The following MACF1 variants were observed in gnomAD, a reference collection of about 807,000 sequenced individuals.
MACF1 encodes the protein microtubule-actin cross-linking factor 1.
In MACF1, 193 loss-of-function variants were observed where a neutral mutation model predicts 854.8. That is an observed-to-expected ratio of 0.23 (90% CI 0.20 to 0.25). MACF1 has a LOEUF of 0.25. Among genes scored for constraint, MACF1 ranks in the 10% least tolerant of loss-of-function variants. MACF1 has a pLI of 1.00. For synonymous variants in MACF1, 3,185 were observed against 3,226.7 expected (o/e 0.99, Z 0.44); for missense variants, 7,722 against 8,929.1 (o/e 0.86, Z 5.45).
Position 39,434,462 on chromosome 1 carries a change from A to G in MACF1, c.17614A>G (p.Asn5872Asp). 1 of 1,612,518 alleles carries G rather than the reference A, an allele frequency of 6.2e-7. No homozygotes were observed. The highest frequency in any genetic ancestry group is 8.5e-7 in the Non-Finnish European group (1 of 1,179,868). Residue 5872 changes from asparagine to aspartate, a missense_variant, in exon 69 of 101, where the codon AAT becomes GAT. By Grantham distance (23) the Asn-to-Asp change is conservative. Coordinates refer to ENST00000564288, the MANE Select transcript of MACF1 (RefSeq NM_001394062.1). ...GCAATATGAAGCCATTAGCCTACTC[A>G]ATTCAGAGCGTTATGCCCGCCTAGA... ...IQQYEAISLL[N>D]SERYARLERA...
chr1:39,268,635 G>T, intron 6 of MACF1: 1 of 1,209,530 alleles, frequency 8.3e-7, no homozygotes, highest in Non-Finnish European at 1.0e-6. Context: ...CCAAGGTTGG[G>T]ATTTCTGTGG....
At chr1:39,295,225 T>C (rs1433919587) in intron 19 of MACF1, 75 bp downstream of exon 19, 1 of 1,244,090 alleles carries the variant, frequency 8.0e-7, no homozygotes, top group African/African-American at 1.5e-5. Flanking sequence ...TTAGAGACTT[T>C]GTTCCACTGA....
intron 61 of MACF1, among the ~76,000 whole-genome samples, chr1:39,425,651 A>G (rs1643701577): frequency 6.6e-6 from 1 of 152,120 alleles, no homozygotes; most frequent in African/African-American, 2.4e-5. Context: ...ACAATGTCCT[A>G]ACCCTGTGTC....
intron 2 of MACF1, among the ~76,000 whole-genome samples, chr1:39,155,732 T>C (rs561200303): frequency 6.6e-6 from 1 of 152,358 alleles, no homozygotes; most frequent in South Asian, 2.1e-4. Flanking sequence ...TTTATTTATT[T>C]ATTTAAGATG....
At chr1:39,197,632 CA>C (rs1644336891) in intron 2 of MACF1, among the ~76,000 whole-genome samples, 1 of 152,176 alleles carries the variant, frequency 6.6e-6, no homozygotes, top group Admixed American at 6.5e-5. Flanking sequence ...CCTGTAATCC[CA>C]GCACTTTGGG....
intron 2 of MACF1, among the ~76,000 whole-genome samples, chr1:39,187,724 A>AT (rs939710400): frequency 7.1e-4 from 108 of 152,182 alleles, no homozygotes; most frequent in African/African-American, 2.5e-3. Context: ...ATTATTTAAA[A>AT]TTTTTTTGTA....
At position 39,335,589 on chromosome 1, in the gene MACF1, C is replaced by T; in HGVS notation, c.9001C>T (p.Gln3001Ter). The T allele has an allele frequency of 6.2e-7, 1 of 1,614,098 alleles. No homozygotes were observed. The highest frequency in any genetic ancestry group is 8.5e-7 in the Non-Finnish European group (1 of 1,179,992). Residue 3001 changes from glutamine (Q) to a stop codon, truncating the protein, a stop_gained, in exon 37 of 101, where the codon CAG becomes TAG. Coordinates refer to ENST00000564288, the MANE Select transcript of MACF1 (RefSeq NM_001394062.1). LOFTEE classifies it high-confidence loss of function. ...ATTTCTTTCTGAAGAAAAGTTGTAT[C>T]AGGAAACTGCCATTAGAGATGAGCA... ...PAFLSEEKLY[Q>*]ETAIRDEHDS...
chr1:39,151,999 A>G (rs1047124501), intron 2 of MACF1, among the ~76,000 whole-genome samples: 5 of 151,580 alleles, frequency 3.3e-5, no homozygotes, highest in African/African-American at 1.2e-4. Context: ...TTTAAGACGG[A>G]GTTTTGCTCT....
At chr1:39,117,977 A>C (rs1185135867) in intron 2 of MACF1, among the ~76,000 whole-genome samples, 1 of 152,204 alleles carries the variant, frequency 6.6e-6, no homozygotes, top group African/African-American at 2.4e-5. Flanking sequence ...TGGCCCTTTG[A>C]TGCCAGGTAA....
chr1:39,153,502 G>T (rs1012519591), intron 2 of MACF1, among the ~76,000 whole-genome samples: 19 of 152,182 alleles, frequency 1.2e-4, no homozygotes, highest in African/African-American at 4.6e-4. Context: ...GGCTCAACGA[G>T]AGTGAGCTTA....
Position 39,407,513 on chromosome 1 carries a change from C to G in MACF1, c.15817-14861C>G, listed in dbSNP as rs186663091. On this transcript the variant is annotated intron_variant, in intron 58 of 100. Transcript: ENST00000564288. ...ACACAACCTAGTCGGCCTCCCCACC[C>G]CTTTCAGTTTACAGATGGGCAGAGT... 1.0e-3 allele frequency among the ~76,000 whole-genome samples: 156 copies of G among 152,326 alleles called. 2 individuals carry two copies. The highest frequency in any genetic ancestry group is 6.8e-3 in the Middle Eastern group (2 of 294).
At chr1:39,229,296 G>A (rs1339735960) in intron 1 of MACF1, among the ~76,000 whole-genome samples, 1 of 152,118 alleles carries the variant, frequency 6.6e-6, no homozygotes, top group Non-Finnish European at 1.5e-5. Context: ...CCGAAAAGAA[G>A]GATGTGAGGA....
At chr1:39,175,726 G>A (rs1284197892) in intron 2 of MACF1, among the ~76,000 whole-genome samples, 3 of 152,032 alleles carry the variant, frequency 2.0e-5, no homozygotes, top group Non-Finnish European at 4.4e-5. Context: ...GCTGAGGCAG[G>A]CGAATCACTT....
At chr1:39,465,668 A>G (rs1644652931) in intron 95 of MACF1, among the ~76,000 whole-genome samples, 3 of 152,210 alleles carry the variant, frequency 2.0e-5, no homozygotes, top group Admixed American at 2.0e-4. Flanking sequence ...ACTTGCAAAA[A>G]AGATTGGATG....
intron 5 of MACF1, among the ~76,000 whole-genome samples, chr1:39,256,441 A>G (rs139902633): frequency 3.7e-4 from 56 of 152,306 alleles, no homozygotes; most frequent in African/African-American, 1.3e-3. Context: ...GCCCAGATGA[A>G]TGTCATTGTA....
Position 39,423,477 on chromosome 1 carries a change from T to C in MACF1, c.16150-551T>C, listed in dbSNP as rs570876632. Among the ~76,000 whole-genome samples the C allele has an allele frequency of 4.6e-5, 7 of 151,650 alleles. No individual in the cohort carries two copies. The South Asian group carries it at 1.5e-3, about 32-fold the overall frequency. Reference sequence around the variant, plus strand: ...GGTGAAACCCCATCTCTACTAAAAATACAAAAAATTAGCCGGGCATGGTGG... The same window carrying C: ...GGTGAAACCCCATCTCTACTAAAAACACAAAAAATTAGCCGGGCATGGTGG... On this transcript the variant is annotated intron_variant, in intron 60 of 100. Coordinates refer to ENST00000564288, the MANE Select transcript of MACF1 (RefSeq NM_001394062.1).
chr1:39,308,030 G>A (rs538920317), intron 23 of MACF1, among the ~76,000 whole-genome samples: 3 of 146,468 alleles, frequency 2.0e-5, no homozygotes, highest in African/African-American at 7.6e-5. Flanking sequence ...TCAGCCTCCC[G>A]AGTAGCTGGG....
rs373963491 is a variant in MACF1, at chr1:39,460,096, T to C, written c.21361-536T>C. Among the ~76,000 whole-genome samples the C allele has an allele frequency of 3.2e-4, 49 of 152,368 alleles. No individual in the cohort carries two copies. The South Asian group carries it at 5.2e-3, about 16-fold the overall frequency. ...TGGAGGTCAGATGGGCAATTTGCTC[T>C]CTGGTGCCATTCCAAAGAAACATGC... On this transcript the variant is annotated intron_variant, in intron 91 of 100. Coordinates refer to ENST00000564288, the MANE Select transcript of MACF1 (RefSeq NM_001394062.1). This position sits in a 1 kb window ranked among gnomAD's most constrained non-coding sequence, Gnocchi z 4.1.
At chr1:39,369,467 A>G (rs1649039181) in intron 50 of MACF1, among the ~76,000 whole-genome samples, 1 of 152,206 alleles carries the variant, frequency 6.6e-6, no homozygotes, top group Non-Finnish European at 1.5e-5. Flanking sequence ...TTCTTCCCCT[A>G]TGCTGAGGGC....
Sources: allele counts gnomAD v4.1 joint callset (sites outside exome capture counted in the v4.1 genomes callset), GRCh38; gene constraint gnomAD v4.1.1; non-coding constraint Gnocchi (gnomAD v3.1); transcripts MANE v1.5; gene names NCBI Gene and HGNC (gene_info 2026-07-23, HGNC 2026-07-21).